MAGI2: variants seen among roughly 807,000 people sequenced by gnomAD.
MAGI2 encodes the protein membrane-associated guanylate kinase, WW and PDZ domain-containing protein 2.
A neutral mutation model predicts 133.3 loss-of-function variants in MAGI2; 35 were observed. The ratio of observed to expected loss-of-function variants is 0.26; its 90% confidence interval spans 0.20 to 0.35. The LOEUF is 0.35. MAGI2 is among the 10% of genes least tolerant of loss of function. MAGI2 has a pLI of 1.00. For missense variants in MAGI2, 1,636 were observed against 1,863.4 expected (o/e 0.88, Z 2.25); for synonymous variants, 729 against 710.6 (o/e 1.03, Z -0.41).
chr7:78,060,249 C>CA (rs1813092180), intron 21 of MAGI2, among the ~76,000 whole-genome samples: 1 of 89,496 alleles, frequency 1.1e-5, no homozygotes, highest in African/African-American at 4.5e-5. Context: ...AAGGGACCCC[C>CA]CCCCCTCTTT....
intron 6 of MAGI2, among the ~76,000 whole-genome samples, chr7:78,461,204 G>C (rs1484057402): frequency 6.6e-6 from 1 of 151,936 alleles, no homozygotes. Flanking sequence ...TTTGCGAAGA[G>C]GTGGACATAT....
intron 18 of MAGI2, among the ~76,000 whole-genome samples, chr7:78,131,047 A>G (rs1034655980): frequency 6.6e-6 from 1 of 152,190 alleles, no homozygotes; most frequent in African/African-American, 2.4e-5. Flanking sequence ...AGGAGAATGG[A>G]ATGTGGCTGC....
At chr7:79,363,324 C>T (rs2129125142) in intron 1 of MAGI2, among the ~76,000 whole-genome samples, 1 of 145,928 alleles carries the variant, frequency 6.9e-6, no homozygotes, top group African/African-American at 2.5e-5. Flanking sequence ...GAGTATGTCT[C>T]TGTACTTAAA....
intron 20 of MAGI2, among the ~76,000 whole-genome samples, chr7:78,123,672 C>T (rs1014158171): frequency 3.9e-5 from 6 of 152,112 alleles, no homozygotes; most frequent in South Asian, 4.1e-4. Flanking sequence ...ATACTCACAA[C>T]GCTGCACAAT....
chr7:78,506,271 G>A (rs1795075552), intron 4 of MAGI2, among the ~76,000 whole-genome samples: 2 of 152,246 alleles, frequency 1.3e-5, no homozygotes, highest in South Asian at 4.1e-4. Context: ...ATTGGAAACA[G>A]GGAAGGAGGA....
intron 3 of MAGI2, among the ~76,000 whole-genome samples, chr7:78,530,515 G>A (rs748314690): frequency 3.9e-5 from 6 of 152,224 alleles, no homozygotes; most frequent in East Asian, 1.9e-4. Context: ...GGACTGAAGC[G>A]CCCTCTTTAT....
intron 2 of MAGI2, among the ~76,000 whole-genome samples, chr7:78,767,021 C>T (rs1825098208): frequency 6.7e-6 from 1 of 149,046 alleles, no homozygotes; most frequent in African/African-American, 2.5e-5. Flanking sequence ...TGGAGTCTTG[C>T]TCTCCTTGCC....
At chr7:79,170,362 G>C (rs555594913) in intron 1 of MAGI2, among the ~76,000 whole-genome samples, 164 of 151,496 alleles carry the variant, frequency 1.1e-3, no homozygotes, top group African/African-American at 3.8e-3. Flanking sequence ...TTTTTGTAGA[G>C]ACAGGGTCTC....
chr7:78,359,654 T>G (rs572004879), intron 7 of MAGI2, among the ~76,000 whole-genome samples: 2 of 152,174 alleles, frequency 1.3e-5, no homozygotes, highest in Non-Finnish European at 1.5e-5. Context: ...CATGATGGGA[T>G]TGTTAAAATC....
intron 2 of MAGI2, among the ~76,000 whole-genome samples, chr7:78,749,947 A>G (rs1185076465): frequency 2.0e-5 from 3 of 152,138 alleles, no homozygotes; most frequent in Non-Finnish European, 2.9e-5. Context: ...GGCTTGTTAT[A>G]TAGGTATACA....
intron 2 of MAGI2, among the ~76,000 whole-genome samples, chr7:78,650,378 TGGAGAAGTG>T (rs1811425961): frequency 6.6e-6 from 1 of 151,936 alleles, no homozygotes; most frequent in South Asian, 2.1e-4. Flanking sequence ...ATGGGTTGGG[TGGAGAAGTG>T]GGAACCAAAG....
chr7:78,218,722 C>T (rs1788509576), intron 10 of MAGI2, among the ~76,000 whole-genome samples: 1 of 152,204 alleles, frequency 6.6e-6, no homozygotes, highest in African/African-American at 2.4e-5. Flanking sequence ...TCACCTGGAC[C>T]CACCTAGGGA....
At chr7:78,211,441 C>T (rs1787759371) in intron 10 of MAGI2, among the ~76,000 whole-genome samples, 1 of 152,180 alleles carries the variant, frequency 6.6e-6, no homozygotes, top group Admixed American at 6.5e-5. Context: ...AGCTCCACCT[C>T]TCACTAGCTA....
chr7:78,653,837 A>T (rs1340557894), intron 2 of MAGI2, among the ~76,000 whole-genome samples: 1 of 151,962 alleles, frequency 6.6e-6, no homozygotes, highest in African/African-American at 2.4e-5. Context: ...GAATCTTCCC[A>T]TACCACTTGT....
chr7:78,466,916 A>G (rs1017280164), intron 6 of MAGI2, among the ~76,000 whole-genome samples: 23 of 152,236 alleles, frequency 1.5e-4, no homozygotes, highest in Non-Finnish European at 1.8e-4. Context: ...TTGCATCAAG[A>G]TACCTTTAGG....
intron 2 of MAGI2, among the ~76,000 whole-genome samples, chr7:78,831,980 C>G (rs1791202498): frequency 6.6e-6 from 1 of 152,118 alleles, no homozygotes; most frequent in Admixed American, 6.6e-5. Context: ...CATTTTTAGG[C>G]TGTCATTACC....
At chr7:78,488,320 T>G (rs1044153262) in intron 6 of MAGI2, among the ~76,000 whole-genome samples, 1 of 152,066 alleles carries the variant, frequency 6.6e-6, no homozygotes, top group Non-Finnish European at 1.5e-5. Flanking sequence ...TATGTTATGC[T>G]TGCGTCTCTC....
chr7:79,403,924 C>T (rs1434801819), intron 1 of MAGI2, among the ~76,000 whole-genome samples: 3 of 152,060 alleles, frequency 2.0e-5, no homozygotes, highest in African/African-American at 7.2e-5. Flanking sequence ...AACATGGAAA[C>T]CTGCAGCATT....
chr7:78,127,132 T>C lies in MAGI2; in HGVS notation c.3423+65A>G, dbSNP rs112166792. 3.9e-6 allele frequency: 5 copies of C among 1,277,850 alleles called. No individual in the cohort carries two copies. The African/African-American group carries it at 4.5e-5, about 12-fold the overall frequency. The allele number at this position is 1,277,850 out of a possible 1,614,324, so 79.2% of individuals were successfully genotyped here. The stretch of plus-strand genomic sequence containing the variant: ...GGTACTCTTTCCTCTGCCTCTCCTA[T>C]TTCATTCCTTGCAGTTCTCTGGAAG... On this transcript the variant is annotated intron_variant, in intron 19 of 21. Coordinates refer to ENST00000354212, the MANE Select transcript of MAGI2 (RefSeq NM_012301.4).
Sources: gnomAD v4.1 joint callset for allele counts (sites outside exome capture counted in the v4.1 genomes callset) on GRCh38, gnomAD v4.1.1 for gene constraint, MANE v1.5 for transcripts, NCBI Gene and HGNC (gene_info 2026-07-23, HGNC 2026-07-21) for gene names.